Variants in PTPRD observed in about 807,000 individuals in gnomAD.
PTPRD encodes the protein receptor-type tyrosine-protein phosphatase delta.
In PTPRD, 34 loss-of-function variants were observed where a neutral mutation model predicts 214.5. That is an observed-to-expected ratio of 0.16 (90% CI 0.12 to 0.21). The LOEUF (loss-of-function observed/expected upper bound fraction) is 0.21, where lower values mean the gene tolerates loss of function less well. PTPRD is among the 10% of genes least tolerant of loss of function. PTPRD has a pLI of 1.00. For synonymous variants in PTPRD, 1,128 were observed against 845.7 expected, an observed-to-expected ratio of 1.33 and a Z score of -5.79; for missense variants, 2,545 against 2,398.7, an observed-to-expected ratio of 1.06 and a Z score of -1.27.
rs993981087 is a variant in PTPRD at position 8,644,467 on chromosome 9, G to C, written c.65-7623C>G. On this transcript the variant is annotated intron_variant, in intron 12 of 45. Transcript: ENST00000381196. ...CCAGCCAACTGGCAAGGCTAAAAGA[G>C]CTGTAACACAAACAGGGCTGAAACA... Among the ~76,000 whole-genome samples the C allele has an allele frequency of 9.2e-5, 14 of 152,190 alleles. 1 individual carries two copies. Among genetic ancestry groups the C allele is most frequent in the Non-Finnish European group, 2.9e-5 (2 of 68,040 alleles).
At chr9:9,679,054 C>T (rs1293441230) in intron 7 of PTPRD, among the ~76,000 whole-genome samples, 2 of 149,688 alleles carry the variant, frequency 1.3e-5, no homozygotes, top group African/African-American at 4.9e-5. Context: ...GTCTTTAAAG[C>T]TTATTAGGGA....
chr9:10,324,248 C>T (rs2096604687), intron 3 of PTPRD, among the ~76,000 whole-genome samples: 1 of 151,992 alleles, frequency 6.6e-6, no homozygotes, highest in South Asian at 2.1e-4. Context: ...TTATTAGATG[C>T]TTTGATAGCC....
intron 2 of PTPRD, among the ~76,000 whole-genome samples, chr9:10,343,767 A>G (rs1171907225): frequency 6.6e-6 from 1 of 152,056 alleles, no homozygotes; most frequent in Non-Finnish European, 1.5e-5. Flanking sequence ...TTGGCTGCAT[A>G]AATGTCTTCT....
At chr9:9,086,349 C>A (rs1221023990) in intron 10 of PTPRD, among the ~76,000 whole-genome samples, 1 of 152,104 alleles carries the variant, frequency 6.6e-6, no homozygotes, top group Non-Finnish European at 1.5e-5. Context: ...TCATTATGGG[C>A]AGCCTATTGT....
rs1363760983 is a variant in PTPRD, at chr9:10,396,929, G to T, written c.-599-55912C>A. Among the ~76,000 whole-genome samples, 4 of 152,008 alleles carry T rather than the reference G, an allele frequency of 2.6e-5. No homozygotes were observed. In the East Asian group the frequency reaches 5.9e-4, roughly 22 times the overall value. The stretch of plus-strand genomic sequence containing the variant: ...CTCCATACTTGAGGCCCTGGAATCA[G>T]GCTCTTAATACATACAGTCAAACAA... On this transcript the variant is annotated intron_variant, in intron 2 of 45. Transcript: ENST00000381196.
At position 9,090,958 on chromosome 9, in the gene PTPRD, A is replaced by C. The variant is rs552761190; in HGVS notation, c.-142-72223T>G. The stretch of plus-strand genomic sequence containing the variant: ...AAAGGGCTGCGGCCACGTGCAGCCT[A>C]TTCGCTGCACTAACTGTGCCCGATG... On this transcript the variant is annotated intron_variant, in intron 10 of 45. Transcript: ENST00000381196. 10 of 1,578,518 alleles carry C rather than the reference A, an allele frequency of 6.3e-6. No individual in the cohort carries two copies. The African/African-American group carries it at 1.2e-4, about 19-fold the overall frequency.
intron 12 of PTPRD, among the ~76,000 whole-genome samples, chr9:8,647,039 G>C (rs2096709376): frequency 6.6e-6 from 1 of 152,170 alleles, no homozygotes; most frequent in Non-Finnish European, 1.5e-5. Context: ...GCAATACATT[G>C]ATATGACATA....
intron 11 of PTPRD, among the ~76,000 whole-genome samples, chr9:8,867,571 C>T (rs1160244874): frequency 1.3e-5 from 2 of 152,118 alleles, no homozygotes; most frequent in South Asian, 2.1e-4. Context: ...TTGCACCCAC[C>T]GTTCTCTTAA....
intron 10 of PTPRD, among the ~76,000 whole-genome samples, chr9:9,177,993 T>C (rs936421570): frequency 6.6e-6 from 1 of 152,096 alleles, no homozygotes; most frequent in Non-Finnish European, 1.5e-5. Context: ...GATCAGATGA[T>C]GAAATATCTG....
At chr9:9,381,121 A>C (rs78230365) in intron 9 of PTPRD, among the ~76,000 whole-genome samples, 2 of 152,024 alleles carry the variant, frequency 1.3e-5, no homozygotes, top group Admixed American at 1.3e-4. Flanking sequence ...GTTGGGTCTT[A>C]TATTTTGATC....
At chr9:8,895,292 C>G (rs2098599637) in intron 11 of PTPRD, among the ~76,000 whole-genome samples, 1 of 151,952 alleles carries the variant, frequency 6.6e-6, no homozygotes, top group Non-Finnish European at 1.5e-5. Flanking sequence ...CAAAGCCCTT[C>G]CAAGAGGGTC....
chr9:9,831,081 A>C (rs2054667191), intron 5 of PTPRD, among the ~76,000 whole-genome samples: 1 of 151,868 alleles, frequency 6.6e-6, no homozygotes, highest in Non-Finnish European at 1.5e-5. Flanking sequence ...ATTATAGCCT[A>C]TGGTCACCCA....
intron 8 of PTPRD, among the ~76,000 whole-genome samples, chr9:9,490,475 T>C (rs577402347): frequency 1.3e-5 from 2 of 152,232 alleles, no homozygotes; most frequent in South Asian, 4.1e-4. Flanking sequence ...CTTTGGTTTG[T>C]AACTCCACAT....
intron 3 of PTPRD, among the ~76,000 whole-genome samples, chr9:10,228,061 A>G (rs1210483721): frequency 2.0e-5 from 3 of 152,000 alleles, no homozygotes; most frequent in Non-Finnish European, 4.4e-5. Flanking sequence ...TAGGCCCATT[A>G]TGATTAAAAG....
chr9:8,402,100 C>T (rs1016745159), intron 36 of PTPRD, among the ~76,000 whole-genome samples: 6 of 152,092 alleles, frequency 3.9e-5, no homozygotes, highest in Non-Finnish European at 8.8e-5. Context: ...CTGGTTAGCG[C>T]TTAGTTTAAG....
chr9:9,786,772 T>TA lies in PTPRD; in HGVS notation c.-367-19922dup, dbSNP rs200353573. On this transcript the variant is annotated intron_variant, in intron 5 of 45. Transcript: ENST00000381196. Reference sequence around the variant, plus strand: ...ATGTACCCTAGAACTTAAAGTATAATAAAAAAAAATCACTTGCAGGTAAGT... The same window carrying TA: ...ATGTACCCTAGAACTTAAAGTATAATAAAAAAAAAATCACTTGCAGGTAAGT... Among the ~76,000 whole-genome samples the TA allele has an allele frequency of 8.1e-3, 1,236 of 151,740 alleles. 42 individuals are homozygous for TA. Among genetic ancestry groups the TA allele is most frequent in the Admixed American group, 0.058 (889 of 15,250 alleles).
At chr9:9,149,171 G>T (rs929779556) in intron 10 of PTPRD, among the ~76,000 whole-genome samples, 1 of 152,106 alleles carries the variant, frequency 6.6e-6, no homozygotes, top group African/African-American at 2.4e-5. Flanking sequence ...GCTCACCTCA[G>T]GTTCATGTCT....
At chr9:8,600,098 T>G (rs988994269) in intron 14 of PTPRD, among the ~76,000 whole-genome samples, 1 of 152,160 alleles carries the variant, frequency 6.6e-6, no homozygotes, top group Non-Finnish European at 1.5e-5. Flanking sequence ...GTGCTTGGGA[T>G]GGGTGGAGCA....
chr9:8,519,764 T>C (rs574278899), intron 20 of PTPRD, among the ~76,000 whole-genome samples: 1 of 152,318 alleles, frequency 6.6e-6, no homozygotes, highest in East Asian at 1.9e-4. Flanking sequence ...TAAGATTCAC[T>C]CTTATGTTTT....
Sources: gnomAD v4.1 joint callset for allele counts (sites outside exome capture counted in the v4.1 genomes callset) on GRCh38, gnomAD v4.1.1 for gene constraint, MANE v1.5 for transcripts, NCBI Gene and HGNC (gene_info 2026-07-23, HGNC 2026-07-21) for gene names.